PRDM5: variants seen among roughly 807,000 people sequenced by gnomAD.
PRDM5 encodes the protein PR/SET domain 5.
A neutral mutation model predicts 81.2 loss-of-function variants in PRDM5; 56 were observed. The observed-to-expected ratio is 0.69, with a 90% CI of 0.56 to 0.86. PRDM5 has a LOEUF of 0.86. Ranked by LOEUF, PRDM5 falls within the 40% of genes least tolerant of loss-of-function variation. The probability of loss-of-function intolerance (pLI) is 0.00; values close to 1 mark genes in which losing one functional copy is unlikely to be tolerated. For missense variants in PRDM5, 697 were observed against 770.1 expected, an observed-to-expected ratio of 0.91 and a Z score of 1.12; for synonymous variants, 267 against 256.4, an observed-to-expected ratio of 1.04 and a Z score of -0.39.
At chr4:120,820,421 C>T (rs371079698) in intron 4 of PRDM5, among the ~76,000 whole-genome samples, 88 of 152,298 alleles carry the variant, frequency 5.8e-4, no homozygotes, top group African/African-American at 1.8e-3. Context: ...AGGATAAAGA[C>T]GAGGCCTATT....
intron 15 of PRDM5, among the ~76,000 whole-genome samples, chr4:120,699,935 T>C (rs1735113215): frequency 1.0e-5 from 1 of 99,634 alleles, no homozygotes; most frequent in African/African-American, 3.4e-5. Context: ...CTAAAATTTA[T>C]ATAGAACCAA....
At chr4:120,908,643 C>T (rs1386267250) in intron 1 of PRDM5, among the ~76,000 whole-genome samples, 1 of 152,220 alleles carries the variant, frequency 6.6e-6, no homozygotes, top group Admixed American at 6.5e-5. Flanking sequence ...GCCATAAATA[C>T]TGGCAGAGCC....
chr4:120,806,960 G>T (rs995106221), intron 8 of PRDM5, among the ~76,000 whole-genome samples: 5 of 151,944 alleles, frequency 3.3e-5, no homozygotes, highest in Middle Eastern at 3.2e-3. Flanking sequence ...TCTGACAAAG[G>T]GCTAATATCC....
chr4:120,709,240 G>GT (rs1303649925), intron 15 of PRDM5, among the ~76,000 whole-genome samples: 1 of 152,056 alleles, frequency 6.6e-6, no homozygotes, highest in African/African-American at 2.4e-5. Flanking sequence ...ATCTAAATAG[G>GT]TTTTGCCTTT....
downstream of PRDM5, among the ~76,000 whole-genome samples, chr4:120,689,344 G>T (rs1056300718): frequency 1.8e-4 from 27 of 152,228 alleles, no homozygotes; most frequent in African/African-American, 5.5e-4. Flanking sequence ...ATAAGAGATG[G>T]ATTTTATGCG....
chr4:120,725,949 A>C (rs932327966), intron 14 of PRDM5, among the ~76,000 whole-genome samples: 36 of 152,128 alleles, frequency 2.4e-4, no homozygotes, highest in African/African-American at 8.2e-4. Flanking sequence ...TCCCACTGGC[A>C]GAACAAGCTT....
At chr4:120,769,408 G>A (rs997822308) in intron 13 of PRDM5, among the ~76,000 whole-genome samples, 7 of 152,182 alleles carry the variant, frequency 4.6e-5, no homozygotes, top group South Asian at 2.1e-4. Flanking sequence ...CAGGGAACAC[G>A]TCAAGGAGAA....
At chr4:120,889,778 T>C (rs972398486) in intron 2 of PRDM5, among the ~76,000 whole-genome samples, 1 of 152,226 alleles carries the variant, frequency 6.6e-6, no homozygotes, top group Non-Finnish European at 1.5e-5. Flanking sequence ...TGTCTACTCA[T>C]GTCTACTCAG....
intron 10 of PRDM5, among the ~76,000 whole-genome samples, chr4:120,794,743 C>T (rs1394938520): frequency 6.6e-6 from 1 of 152,090 alleles, no homozygotes; most frequent in Non-Finnish European, 1.5e-5. Context: ...CCTGCCTCAG[C>T]CTCCTGAGTA....
intron 3 of PRDM5, among the ~76,000 whole-genome samples, chr4:120,852,586 G>T (rs1306273503): frequency 6.6e-6 from 1 of 151,826 alleles, no homozygotes; most frequent in Admixed American, 6.6e-5. Flanking sequence ...ACTTAAACTG[G>T]TACATCAGCA....
intron 14 of PRDM5, among the ~76,000 whole-genome samples, chr4:120,747,927 T>C (rs1162737279): frequency 6.6e-6 from 1 of 152,214 alleles, no homozygotes; most frequent in African/African-American, 2.4e-5. Context: ...GTGCCTTCCA[T>C]GTTGAAATCA....
chr4:120,750,714 A>ATG (rs1553958090), intron 14 of PRDM5, among the ~76,000 whole-genome samples: 7 of 143,752 alleles, frequency 4.9e-5, no homozygotes, highest in African/African-American at 1.3e-4. Context: ...ACACACACAC[A>ATG]CACACGCGCA....
chr4:120,874,063 A>G (rs1762110377), intron 2 of PRDM5, among the ~76,000 whole-genome samples: 1 of 152,192 alleles, frequency 6.6e-6, no homozygotes, highest in South Asian at 2.1e-4. Flanking sequence ...CAGGGTAATT[A>G]ACATATACAT....
At chr4:120,793,938 T>C (rs1750970670) in intron 10 of PRDM5, among the ~76,000 whole-genome samples, 1 of 142,616 alleles carries the variant, frequency 7.0e-6, no homozygotes. Flanking sequence ...TATGCTTCAA[T>C]AAATAAAAAA....
chr4:120,808,661 G>A (rs777546721), intron 8 of PRDM5, among the ~76,000 whole-genome samples: 87 of 152,152 alleles, frequency 5.7e-4, no homozygotes, highest in Admixed American at 2.0e-3. Flanking sequence ...TGGAGCAGGG[G>A]GAGGCACTCC....
chr4:120,795,509 G>GA (rs1751217337), intron 10 of PRDM5, among the ~76,000 whole-genome samples: 3 of 138,988 alleles, frequency 2.2e-5, no homozygotes, highest in Admixed American at 1.5e-4. Context: ...ATGATTGTCA[G>GA]AAAAAATGAA....
intron 14 of PRDM5, among the ~76,000 whole-genome samples, chr4:120,741,997 A>G (rs920049734): frequency 2.0e-5 from 3 of 152,248 alleles, no homozygotes; most frequent in Non-Finnish European, 4.4e-5. Flanking sequence ...ACAAAAAGAT[A>G]GCAGTAACCT....
intron 3 of PRDM5, among the ~76,000 whole-genome samples, chr4:120,828,690 G>A (rs1423728042): frequency 6.6e-6 from 1 of 151,928 alleles, no homozygotes; most frequent in Non-Finnish European, 1.5e-5. Context: ...TCAAGCACTG[G>A]GCTCAAAACA....
intron 13 of PRDM5, among the ~76,000 whole-genome samples, chr4:120,769,287 C>A (rs2149203753): frequency 6.6e-6 from 1 of 152,258 alleles, no homozygotes; most frequent in African/African-American, 2.4e-5. Flanking sequence ...ACTGAGGACC[C>A]ACAGACTACT....
Sources: allele counts gnomAD v4.1 joint callset (sites outside exome capture counted in the v4.1 genomes callset), GRCh38; gene constraint gnomAD v4.1.1; transcripts MANE v1.5; gene names NCBI Gene and HGNC (gene_info 2026-07-23, HGNC 2026-07-21).